TNIK: variants seen among roughly 807,000 people sequenced by gnomAD.
TNIK encodes TRAF2 and NCK-interacting protein kinase.
In TNIK, 49 loss-of-function variants were observed where a neutral mutation model predicts 191.3. The observed-to-expected ratio is 0.26, with a 90% CI of 0.20 to 0.32. The LOEUF is 0.32. Among genes scored for constraint, TNIK ranks in the 10% least tolerant of loss-of-function variants. The probability of loss-of-function intolerance (pLI) is 1.00; values close to 1 mark genes in which losing one functional copy is unlikely to be tolerated. For synonymous variants in TNIK, 594 were observed against 600.9 expected, an observed-to-expected ratio of 0.99 and a Z score of 0.17; for missense variants, 1,155 against 1,702.3, an observed-to-expected ratio of 0.68 and a Z score of 5.66.
intron 12 of TNIK, among the ~76,000 whole-genome samples, chr3:171,151,414 T>C (rs1209478481): frequency 2.6e-5 from 4 of 152,268 alleles, no homozygotes; most frequent in Non-Finnish European, 2.9e-5. Context: ...GTTCAAACTT[T>C]GGAAATTTGT....
intron 1 of TNIK, among the ~76,000 whole-genome samples, chr3:171,383,379 T>C (rs371489887): frequency 2.2e-4 from 33 of 152,222 alleles, no homozygotes; most frequent in African/African-American, 8.0e-4. Flanking sequence ...TTTGAGCCAC[T>C]GTCAAGGTAA....
At chr3:171,389,688 T>A (rs1158294893) in intron 1 of TNIK, among the ~76,000 whole-genome samples, 1 of 152,178 alleles carries the variant, frequency 6.6e-6, no homozygotes, top group Non-Finnish European at 1.5e-5. Context: ...GATAATGTCC[T>A]CCATTTGCCA....
intron 1 of TNIK, 38 bp from the exon 2 acceptor site, chr3:171,369,723 A>T (rs1204086055): frequency 2.7e-6 from 4 of 1,509,084 alleles, no homozygotes; most frequent in Non-Finnish European, 3.6e-6. Context: ...ATTCAAAACA[A>T]TATTCCAGGC....
intron 18 of TNIK, among the ~76,000 whole-genome samples, chr3:171,120,868 C>A (rs1350033029): frequency 6.6e-6 from 1 of 152,102 alleles, no homozygotes; most frequent in African/African-American, 2.4e-5. Flanking sequence ...TATAATTTTG[C>A]CCCTACTAGT....
chr3:171,377,590 C>G (rs1264712021), intron 1 of TNIK, among the ~76,000 whole-genome samples: 2 of 152,152 alleles, frequency 1.3e-5, no homozygotes, highest in African/African-American at 2.4e-5. Context: ...CCTTATGCAA[C>G]CTGAGAAATA....
chr3:171,071,173 A>G (rs1362410301), intron 29 of TNIK, 50 bp downstream of exon 29: 2 of 1,468,342 alleles, frequency 1.4e-6, no homozygotes, highest in Non-Finnish European at 1.8e-6. Flanking sequence ...AATGGGTAGA[A>G]ACGGAAAATT....
Position 171,178,366 on chromosome 3 carries a change from T to C in TNIK, c.640-986A>G, listed in dbSNP as rs74871850. The stretch of plus-strand genomic sequence containing the variant: ...GTGCTTAGATCAGAGTTGGGCACAG[T>C]AGGAGGTACTCAAAGTATTTGTTGA... On this transcript the variant is annotated intron_variant, in intron 7 of 32. Transcript: ENST00000436636. Among the ~76,000 whole-genome samples the C allele has an allele frequency of 2.4e-3, 367 of 152,332 alleles. 5 individuals carry two copies. The East Asian group carries it at 0.036, about 15-fold the overall frequency.
At chr3:171,311,451 T>C (rs568858413) in intron 2 of TNIK, among the ~76,000 whole-genome samples, 9 of 152,294 alleles carry the variant, frequency 5.9e-5, no homozygotes, top group East Asian at 5.8e-4. Context: ...TTGAGAAGTA[T>C]GCATCCATCA....
intron 16 of TNIK, among the ~76,000 whole-genome samples, chr3:171,127,423 G>A (rs1728636576): frequency 6.6e-6 from 1 of 151,040 alleles, no homozygotes; most frequent in Admixed American, 6.6e-5. Context: ...CTTTAAAAGA[G>A]CCAAAAAATA....
At chr3:171,114,923 C>A (rs1255119064) in intron 18 of TNIK, among the ~76,000 whole-genome samples, 1 of 150,342 alleles carries the variant, frequency 6.7e-6, no homozygotes, top group Non-Finnish European at 1.5e-5. Flanking sequence ...TCAAATTTTT[C>A]ATTTTTTAAA....
intron 12 of TNIK, among the ~76,000 whole-genome samples, chr3:171,151,124 G>T (rs1464405878): frequency 6.6e-6 from 1 of 152,218 alleles, no homozygotes; most frequent in South Asian, 2.1e-4. Context: ...TACCAAATGT[G>T]CATGTAAGGA....
chr3:171,415,984 A>AAG (rs1723001160), intron 1 of TNIK, among the ~76,000 whole-genome samples: 4 of 147,324 alleles, frequency 2.7e-5, no homozygotes, highest in Non-Finnish European at 4.5e-5. Flanking sequence ...AAAAAAAAAA[A>AAG]AAAAAAAAAA....
intron 2 of TNIK, among the ~76,000 whole-genome samples, chr3:171,331,415 G>A (rs911311082): frequency 3.3e-5 from 5 of 152,158 alleles, no homozygotes; most frequent in Non-Finnish European, 1.5e-5. Flanking sequence ...CAGTTTTGGC[G>A]AGTTGATCAG....
chr3:171,073,458 C>G (rs1719470457), intron 28 of TNIK, among the ~76,000 whole-genome samples: 2 of 151,988 alleles, frequency 1.3e-5, no homozygotes, highest in South Asian at 2.1e-4. Context: ...GGATATTGGC[C>G]TAGACAACAT....
chr3:171,070,457 A>G (rs1052383423), intron 29 of TNIK, among the ~76,000 whole-genome samples: 1 of 152,078 alleles, frequency 6.6e-6, no homozygotes, highest in African/African-American at 2.4e-5. Flanking sequence ...TGAGAGAGAG[A>G]GAGACAGAGA....
At chr3:171,179,749 C>T (rs1424913934) in intron 7 of TNIK, among the ~76,000 whole-genome samples, 3 of 152,188 alleles carry the variant, frequency 2.0e-5, no homozygotes, top group African/African-American at 4.8e-5. Flanking sequence ...CGTGCCCGGC[C>T]TGTACCTGGG....
intron 2 of TNIK, among the ~76,000 whole-genome samples, chr3:171,236,051 A>C (rs892294844): frequency 6.6e-6 from 1 of 152,168 alleles, no homozygotes; most frequent in Non-Finnish European, 1.5e-5. Flanking sequence ...TGGCTGCTAC[A>C]TACTAGAACA....
intron 1 of TNIK, among the ~76,000 whole-genome samples, chr3:171,400,201 A>T (rs1045665212): frequency 6.6e-6 from 1 of 152,084 alleles, no homozygotes; most frequent in Non-Finnish European, 1.5e-5. Flanking sequence ...TAGTTTTCTG[A>T]ATTTGATTTG....
Position 171,161,456 on chromosome 3 carries a change from G to T in TNIK, c.950-120C>A, listed in dbSNP as rs538819413. ...AAGAGTTGTAGTTAACACAGCGCTG[G>T]AACGGTCTCCAGGCTTGTGATTTAA... is the stretch of plus-strand genomic sequence containing the variant. On this transcript the variant is annotated intron_variant, in intron 10 of 32. Coordinates refer to ENST00000436636, the MANE Select transcript of TNIK (RefSeq NM_015028.4). 7.1e-5 allele frequency: 54 copies of T among 764,244 alleles called. No homozygotes were observed. The South Asian group carries it at 1.1e-3, about 16-fold the overall frequency. The allele number at this position is 764,244 out of a possible 1,614,324, so 47.3% of individuals were successfully genotyped here.
Sources: gnomAD v4.1 joint callset for allele counts (sites outside exome capture counted in the v4.1 genomes callset) on GRCh38, gnomAD v4.1.1 for gene constraint, MANE v1.5 for transcripts, NCBI Gene and HGNC (gene_info 2026-07-23, HGNC 2026-07-21) for gene names.